CUL4B: variants seen among roughly 807,000 people sequenced by gnomAD.
CUL4B encodes the protein cullin 4B, also known as cullin-4B.
Under a neutral mutation model 69.2 loss-of-function variants are expected in CUL4B, and 1 was observed. The ratio of observed to expected loss-of-function variants is 0.01; its 90% confidence interval spans 0.01 to 0.07. The LOEUF is 0.07. Among genes scored for constraint, CUL4B ranks in the 10% least tolerant of loss-of-function variants. The pLI is 1.00. For synonymous variants in CUL4B, 237 were observed against 223.2 expected (o/e 1.06, Z -0.55); for missense variants, 328 against 638.8 (o/e 0.51, Z 5.24).
chrX:120,566,359 A>ATATATATG (rs1556252967), upstream of CUL4B, among the ~76,000 whole-genome samples: 1 of 50,299 alleles, frequency 2.0e-5, no homozygotes, highest in African/African-American at 6.6e-5. Context: ...ATATATATAT[A>ATATATATG]TATATATATA....
Position 120,560,614 on chromosome X carries a change from G to T in CUL4B, c.25C>A (p.Pro9Thr). The change falls in exon 1 of 20, where the codon CCC (proline) becomes ACC (threonine). Residue 9 changes from proline to threonine, a missense_variant. Coordinates refer to ENST00000371322, the MANE Select transcript of CUL4B (RefSeq NM_001079872.2). ...GCAGCAGCAGCAGCTGAGGGACTGG[G>T]GGAAGAAAAACCTGTTGGAAACATG... MFPTGFSS[P>T]SPSAAAAAQE... 2 of 1,205,539 alleles carry T rather than the reference G, an allele frequency of 1.7e-6. No homozygotes were observed. The highest frequency in any genetic ancestry group is 2.2e-6 in the Non-Finnish European group (2 of 894,909).
At position 120,543,801 on chromosome X, in the gene CUL4B, T is replaced by G; in HGVS notation, c.1182A>C (p.Glu394Asp). 8.5e-7 allele frequency: 1 copy of G among 1,171,988 alleles called. No homozygotes were observed. The highest frequency in any genetic ancestry group is 1.2e-6 in the Non-Finnish European group (1 of 859,486). Residue 394 changes from glutamate to aspartate, a missense_variant, in exon 8 of 20, where the codon GAA becomes GAC. Glu to Asp is a conservative substitution (Grantham distance 45, BLOSUM62 2). Transcript: ENST00000371322. The part of the protein sequence containing the change: ...QKLMQEREVP[E>D]YLHHVNKRLE... ...GACGTTTGTTAACATGATGTAGATATTCAGGAACCTACAAAGATAGTTTTT... is the reference window on the plus strand; with the variant it reads ...GACGTTTGTTAACATGATGTAGATAGTCAGGAACCTACAAAGATAGTTTTT...
intron 1 of CUL4B, chrX:120,574,712 T>C (rs1050651917): frequency 2.5e-6 from 2 of 784,484 alleles, no homozygotes; most frequent in African/African-American, 2.0e-5. Context: ...TGACTCTGGT[T>C]TCCCAGCCAA....
chrX:120,571,420 T>C (rs776716913), exon 3 of CUL4B: 1 of 111,875 alleles, frequency 8.9e-6, no homozygotes, highest in Non-Finnish European at 1.9e-5. Flanking sequence ...TTGATTTTTG[T>C]AACATTTAAG....
At chrX:120,537,633 C>T (rs903834253) in intron 14 of CUL4B, among the ~76,000 whole-genome samples, 1 of 112,086 alleles carries the variant, frequency 8.9e-6, no homozygotes, top group Non-Finnish European at 1.9e-5. Flanking sequence ...GAAGTCACTA[C>T]TAAAACCCAA....
upstream of CUL4B, among the ~76,000 whole-genome samples, chrX:120,565,614 A>G: frequency 2.4e-5 from 2 of 83,626 alleles, no homozygotes; most frequent in South Asian, 9.4e-4. Context: ...CCCGGGAGGC[A>G]GAGGTTGCAG....
chrX:120,545,597 T>G, intron 4 of CUL4B, 80 bp from the exon 5 acceptor site: 1 of 666,364 alleles, frequency 1.5e-6, no homozygotes, highest in Non-Finnish European at 2.4e-6. Context: ...AGAATAAAAC[T>G]GAAGAGTTTG....
intron 2 of CUL4B, among the ~76,000 whole-genome samples, chrX:120,572,477 A>G (rs959741223): frequency 6.5e-5 from 7 of 106,941 alleles, no homozygotes; most frequent in Non-Finnish European, 1.3e-4. Flanking sequence ...AAAAAAAAAA[A>G]AAAAAAGAAA....
At chrX:120,541,453 C>T (rs1450654301) in intron 10 of CUL4B, 149 bp downstream of exon 10, 11 of 485,732 alleles carry the variant, frequency 2.3e-5, no homozygotes, top group Non-Finnish European at 3.7e-5. Context: ...GAGCTAAGAT[C>T]GTGCCACCGC....
chrX:120,568,875 T>A (rs145773709), downstream of CUL4B, among the ~76,000 whole-genome samples: 884 of 111,809 alleles, frequency 7.9e-3, 8 homozygotes, highest in Middle Eastern at 0.028. Flanking sequence ...AGTTTACAAT[T>A]TCGTAAGGAG....
chrX:120,555,986 C>T (rs1220189742), intron 2 of CUL4B, among the ~76,000 whole-genome samples: 1 of 105,941 alleles, frequency 9.4e-6, no homozygotes, highest in Non-Finnish European at 1.9e-5. Flanking sequence ...TACTACCCTA[C>T]GTACCCCAGA....
rs959954184 is a variant in CUL4B, at chrX:120,524,672, G to T, written c.*2089C>A. The T allele has an allele frequency of 1.8e-5, 2 of 111,576 alleles. No individual in the cohort carries two copies. The highest frequency in any genetic ancestry group is 3.8e-5 in the Non-Finnish European group (2 of 52,972). The allele number at this position is 111,576 out of a possible 1,213,427, so 9.2% of individuals were successfully genotyped here. On this transcript the variant is annotated 3_prime_UTR_variant, in exon 20 of 20. Transcript: ENST00000371322. ...AACCACCACGTACACAGGGAAAAGA[G>T]CACAAAAATTCAACTGATACAGAAC...
rs779309919 is a variant in CUL4B at position 120,542,087 on chromosome X, TA to T, written c.1325-368del. ...CCCTCTCTATTTTAATTCAAAAAGT[TA>T]AAAAAATTAAAAAGAAAAAGAAAAA... On this transcript the variant is annotated intron_variant, in intron 9 of 19. Coordinates refer to ENST00000371322, the MANE Select transcript of CUL4B (RefSeq NM_001079872.2). Among the ~76,000 whole-genome samples the T allele has an allele frequency of 3.3e-4, 37 of 111,020 alleles. No individual in the cohort carries two copies. In the East Asian group the frequency reaches 8.2e-3, roughly 25 times the overall value.
chrX:120,534,512 A>G lies in CUL4B; in HGVS notation c.2235T>C (p.Ser745=), dbSNP rs1222615726. The change falls in exon 17 of 20, where the codon AGT becomes AGC. Residue 745 remains serine (S), a synonymous_variant. Transcript: ENST00000371322. The part of the protein sequence containing the change: ...LLMFNEGEEF[S]LEEIKQATGI... Reference sequence around the variant, plus strand: ...CAGTTGCCTGCTTGATCTCTTCTAAACTGAACTCCTCTCCCTCATTAAACA... The same window carrying G: ...CAGTTGCCTGCTTGATCTCTTCTAAGCTGAACTCCTCTCCCTCATTAAACA... 8.3e-7 allele frequency: 1 copy of G among 1,207,870 alleles called. No individual in the cohort carries two copies. The highest frequency in any genetic ancestry group is 1.8e-5 in the South Asian group (1 of 56,904).
At chrX:120,532,327 T>C (rs111414969) in intron 18 of CUL4B, 95 bp downstream of exon 18, 6 of 642,689 alleles carry the variant, frequency 9.3e-6, no homozygotes, top group African/African-American at 2.2e-5. Context: ...ATTAATGGTA[T>C]TGGCAGTATT....
chrX:120,538,416 A>T lies in CUL4B; in HGVS notation c.1853-207T>A, dbSNP rs776991033. ...CCTGTAGTAACCTTATCTACTATTT[A>T]GGTATAAAATAAATGGGAAATTTTT... On this transcript the variant is annotated intron_variant, in intron 13 of 19. Coordinates refer to ENST00000371322, the MANE Select transcript of CUL4B (RefSeq NM_001079872.2). 5 of 407,518 alleles carry T rather than the reference A, an allele frequency of 1.2e-5. No homozygotes were observed. In the South Asian group the frequency reaches 1.7e-4, roughly 14 times the overall value. 33.6% of individuals were successfully genotyped at this position (407,518 alleles called of 1,213,427 possible).
At chrX:120,550,085 G>T (rs1381791613) in intron 2 of CUL4B, among the ~76,000 whole-genome samples, 1 of 111,472 alleles carries the variant, frequency 9.0e-6, no homozygotes, top group African/African-American at 3.3e-5. Context: ...CTTCCAATAA[G>T]TTCTTCTTAA....
downstream of CUL4B, among the ~76,000 whole-genome samples, chrX:120,570,325 A>G (rs1241702624): frequency 8.9e-6 from 1 of 112,332 alleles, no homozygotes; most frequent in Non-Finnish European, 1.9e-5. Flanking sequence ...CAGATAAACT[A>G]CAGCAGGGTT....
At chrX:120,558,369 A>G (rs762519216) in intron 1 of CUL4B, among the ~76,000 whole-genome samples, 7 of 112,094 alleles carry the variant, frequency 6.2e-5, no homozygotes, top group Non-Finnish European at 1.1e-4. Context: ...GTAAAACCTA[A>G]GTCGACATGA....
Sources: gnomAD v4.1 joint callset for allele counts (sites outside exome capture counted in the v4.1 genomes callset) on GRCh38, gnomAD v4.1.1 for gene constraint, MANE v1.5 for transcripts, NCBI Gene and HGNC (gene_info 2026-07-23, HGNC 2026-07-21) for gene names.